The following DMAC2L variants were observed in gnomAD, a reference collection of about 807,000 sequenced individuals.
DMAC2L encodes distal membrane arm assembly component 2 like, also known as ATP synthase subunit s, mitochondrial.
In DMAC2L, 21 loss-of-function variants were observed where a neutral mutation model predicts 22.5. The ratio of observed to expected loss-of-function variants is 0.93; its 90% CI spans 0.66 to 1.34. DMAC2L has a LOEUF of 1.34. Ranked by LOEUF, DMAC2L falls within the 40% of genes most tolerant of loss-of-function variation. The pLI is 0.00. For missense variants in DMAC2L, 239 were observed against 246.5 expected (o/e 0.97, Z 0.20); for synonymous variants, 86 against 89.5 (o/e 0.96, Z 0.22).
rs1198431775 is a variant in DMAC2L, at chr14:50,319,388, C to T, written c.-5-2095C>T. The T allele has an allele frequency of 6.6e-6, 10 of 1,510,362 alleles. No homozygotes were observed. The East Asian group carries it at 2.5e-4, about 37-fold the overall frequency. The allele number at this position is 1,510,362 out of a possible 1,614,324, so 93.6% of individuals were successfully genotyped here. On this transcript the variant is annotated intron_variant, in intron 2 of 5. Transcript: ENST00000557421. ...ACTTCCTCAGCTTTAAGGTGTTTCC[C>T]TCTCAGGCATCTTTCTAGTCCTCTT...
intron 2 of DMAC2L, among the ~76,000 whole-genome samples, chr14:50,315,659 T>G (rs566952052): frequency 2.8e-5 from 2 of 70,826 alleles, no homozygotes; most frequent in East Asian, 1.0e-3. Flanking sequence ...AGATTCTGTT[T>G]CACAAAAAAA....
At position 50,315,035 on chromosome 14, in the gene DMAC2L, C is replaced by G. The variant is rs192539951; in HGVS notation, c.-6+409C>G. On this transcript the variant is annotated intron_variant, in intron 2 of 5. Transcript: ENST00000557421. ...AGGCTGGAGTGCAGTGGCATGATCT[C>G]AGCTCACTGCAAGCTCTGCCTCCCG... Among the ~76,000 whole-genome samples, 101 of 151,774 alleles carry G rather than the reference C, an allele frequency of 6.7e-4. 2 individuals carry two copies. The highest frequency in any genetic ancestry group is 1.6e-3 in the Admixed American group (24 of 15,242).
At chr14:50,319,193 G>A (rs947307701) in intron 2 of DMAC2L, 4 of 1,535,854 alleles carry the variant, frequency 2.6e-6, no homozygotes. Context: ...GTGGGCACAG[G>A]CAGAGAGCGC....
At chr14:50,312,507 C>T in intron 1 of DMAC2L, 118 bp downstream of exon 1, 1 of 386,106 alleles carries the variant, frequency 2.6e-6, no homozygotes, top group South Asian at 2.9e-5. Flanking sequence ...CGCGCGTCTT[C>T]GACCTTCACC....
At chr14:50,312,091 G>A (rs1210324318), upstream of DMAC2L, 2 of 1,607,144 alleles carry the variant, frequency 1.2e-6, no homozygotes, top group Non-Finnish European at 1.7e-6. Flanking sequence ...GGGAGCCACC[G>A]GCGAAAAGCC....
upstream of DMAC2L, chr14:50,312,068 C>A (rs751365583): frequency 1.3e-6 from 2 of 1,599,978 alleles, no homozygotes; most frequent in South Asian, 2.2e-5. Flanking sequence ...AGACGCGAAC[C>A]CGCACGCCCC....
At chr14:50,312,693 C>G (rs1284489084) in intron 1 of DMAC2L, 1 of 328,704 alleles carries the variant, frequency 3.0e-6, no homozygotes, top group East Asian at 6.2e-5. Context: ...CCGCGGTAGA[C>G]GGAGGGCCTG....
At chr14:50,314,191 G>A (rs2031556135) in intron 1 of DMAC2L, among the ~76,000 whole-genome samples, 2 of 152,198 alleles carry the variant, frequency 1.3e-5, no homozygotes, top group Admixed American at 1.3e-4. Flanking sequence ...AACCAGGTGG[G>A]AGGTGATTGA....
chr14:50,312,288 T>C (rs935927050), upstream of DMAC2L: 38 of 1,318,914 alleles, frequency 2.9e-5, no homozygotes, highest in East Asian at 6.9e-4. Context: ...TGGGAGAGGC[T>C]GCGGTGGCCA....
chr14:50,324,421 T>C (rs914107669), intron 5 of DMAC2L: 9 of 178,170 alleles, frequency 5.1e-5, no homozygotes, highest in Non-Finnish European at 9.4e-5. Flanking sequence ...CCTTTTTTTT[T>C]AAAGCAGTTT....
rs150602160 is a variant in DMAC2L, at chr14:50,316,537, T to G, written c.-6+1911T>G. On this transcript the variant is annotated intron_variant, in intron 2 of 5. Transcript: ENST00000557421. ...TTTTTATAGTTTCAGGTCTTAGATG[T>G]AAGTCCCTGATCCATCTTGAGTTGA... 9.4e-3 allele frequency among the ~76,000 whole-genome samples: 1,432 copies of G among 152,366 alleles called. 7 individuals carry two copies. The highest frequency in any genetic ancestry group is 0.015 in the Non-Finnish European group (1,014 of 68,026).
In DMAC2L at chr14:50,321,576, T is replaced by C; in HGVS notation, c.89T>C (p.Leu30Ser). ...SCDSRYFWGW[L>S]NAVFNKVDYD... ...GACTCCAGATACTTCTGGGGCTGGT[T>C]GAATGCAGTGTTTAATAAGTAAGTT... is the stretch of plus-strand genomic sequence containing the variant. The change falls in exon 3 of 6, where the codon TTG (leucine) becomes TCG (serine). Residue 30 changes from leucine (L) to serine (S), a missense_variant. Coordinates refer to ENST00000557421, the MANE Select transcript of DMAC2L (RefSeq NM_001382507.1). The C allele has an allele frequency of 6.2e-7, 1 of 1,613,300 alleles. No homozygotes were observed. The highest frequency in any genetic ancestry group is 8.5e-7 in the Non-Finnish European group (1 of 1,179,276).
intron 2 of DMAC2L, among the ~76,000 whole-genome samples, chr14:50,315,371 A>T (rs1330984871): frequency 6.6e-6 from 1 of 152,038 alleles, no homozygotes; most frequent in Admixed American, 6.5e-5. Flanking sequence ...CACTTAGAAT[A>T]ATAAACTCCA....
upstream of DMAC2L, among the ~76,000 whole-genome samples, chr14:50,311,790 C>T (rs1389554478): frequency 6.6e-6 from 1 of 152,238 alleles, no homozygotes; most frequent in African/African-American, 2.4e-5. Context: ...GCCAGAGCTA[C>T]TCCCGACCTC....
intron 1 of DMAC2L, chr14:50,312,969 A>G (rs545366715): frequency 9.3e-6 from 15 of 1,613,038 alleles, no homozygotes; most frequent in Non-Finnish European, 1.2e-5. Context: ...TTTTGCCACC[A>G]TTTATAAGTC....
chr14:50,312,886 C>T (rs546297636), intron 1 of DMAC2L: 3 of 858,910 alleles, frequency 3.5e-6, no homozygotes, highest in African/African-American at 1.7e-5. Flanking sequence ...GTCATTGATT[C>T]GTCTTGTAAA....
In DMAC2L at chr14:50,327,459, C is replaced by CTTTTTTTTTTTTTTTTTTTTTTTTTT. The variant is rs555068519; in HGVS notation, c.*1760_*1761insTTTTTTTTTTTTTTTTTTTTTTTTTT. 1.3e-5 allele frequency: 1 copy of CTTTTTTTTTTTTTTTTTTTTTTTTTT among 77,336 alleles called. No homozygotes were observed. The highest frequency in any genetic ancestry group is 2.4e-5 in the Non-Finnish European group (1 of 41,304). The allele number at this position is 77,336 out of a possible 1,614,324, so 4.8% of individuals were successfully genotyped here. A position where few individuals can be genotyped will look rare whatever the true frequency, so the allele number is the denominator to read the frequency against. ...TAGATTTCTGTGTGTTTGATTTGAA[C>CTTTTTTTTTTTTTTTTTTTTTTTTTT]TTTTTTTTTTTTTTTTTTTTTTTTG... On this transcript the variant is annotated 3_prime_UTR_variant, in exon 6 of 6. Coordinates refer to ENST00000557421, the MANE Select transcript of DMAC2L (RefSeq NM_001382507.1).
In DMAC2L at chr14:50,312,363, G is replaced by GCTCC. The variant is rs572292843; in HGVS notation, c.-51_-48dup. 81 of 637,782 alleles carry GCTCC rather than the reference G, an allele frequency of 1.3e-4. No individual in the cohort carries two copies. The highest frequency in any genetic ancestry group is 8.6e-4 in the Middle Eastern group (2 of 2,314). 39.5% of individuals were successfully genotyped at this position (637,782 alleles called of 1,614,324 possible). A position where few individuals can be genotyped will look rare whatever the true frequency, so the allele number is the denominator to read the frequency against. ...GCCGCAGACGCGGGGACGCTGGCTC[G>GCTCC]CTCCCTCCCTCCCTCCCTCCGACGC... On this transcript the variant is annotated 5_prime_UTR_variant, in exon 1 of 6. Coordinates refer to ENST00000557421, the MANE Select transcript of DMAC2L (RefSeq NM_001382507.1).
intron 1 of DMAC2L, chr14:50,313,189 CAGTTTTTAATTTTT>C: frequency 1.3e-6 from 1 of 752,156 alleles, no homozygotes; most frequent in Non-Finnish European, 2.3e-6. Flanking sequence ...TGCTTGATGG[CAGTTTTTAATTTTT>C]AGGGTTAGGA....
Sources: gnomAD v4.1 joint callset for allele counts (sites outside exome capture counted in the v4.1 genomes callset) on GRCh38, gnomAD v4.1.1 for gene constraint, MANE v1.5 for transcripts, NCBI Gene and HGNC (gene_info 2026-07-23, HGNC 2026-07-21) for gene names.